ANO4: variants seen among roughly 807,000 people sequenced by gnomAD.
ANO4 encodes the protein anoctamin-4.
Under a neutral mutation model 141.9 loss-of-function variants are expected in ANO4, and 69 were observed. The ratio of observed to expected loss-of-function variants is 0.49; its 90% confidence interval spans 0.40 to 0.59. The LOEUF (loss-of-function observed/expected upper bound fraction) is 0.59, where lower values mean the gene tolerates loss of function less well. Ranked by LOEUF, ANO4 falls within the 20% of genes least tolerant of loss-of-function variation. ANO4 has a pLI of 0.00. For missense variants in ANO4, 894 were observed against 1,162.2 expected (o/e 0.77, Z 3.36); for synonymous variants, 350 against 394.3 (o/e 0.89, Z 1.33).
At chr12:100,918,721 A>G (rs998845719) in intron 2 of ANO4, among the ~76,000 whole-genome samples, 1 of 152,332 alleles carries the variant, frequency 6.6e-6, no homozygotes. Flanking sequence ...TTTACAGTAT[A>G]TAATACTTGA....
chr12:100,746,384 C>T (rs1037020380), intron 3 of ANO4, among the ~76,000 whole-genome samples: 2 of 149,936 alleles, frequency 1.3e-5, no homozygotes, highest in South Asian at 2.1e-4. Flanking sequence ...ACCCGGCAGG[C>T]GGAGGCTGCA....
intron 3 of ANO4, among the ~76,000 whole-genome samples, chr12:100,759,791 T>G (rs551017000): frequency 6.6e-6 from 1 of 152,370 alleles, no homozygotes; most frequent in Admixed American, 6.5e-5. Context: ...TAACCTGTTC[T>G]CTGGGCCTCC....
intron 26 of ANO4, among the ~76,000 whole-genome samples, chr12:101,121,333 G>A (rs1013474744): frequency 2.6e-5 from 4 of 152,066 alleles, no homozygotes; most frequent in African/African-American, 9.7e-5. Flanking sequence ...AACTTGCAGT[G>A]TTTAGTTTTC....
intron 9 of ANO4, among the ~76,000 whole-genome samples, chr12:101,025,408 G>A (rs190798705): frequency 4.6e-5 from 7 of 152,258 alleles, no homozygotes; most frequent in Admixed American, 4.6e-4. Context: ...CAAAGGCAGC[G>A]AGAGTTCACA....
chr12:100,849,721 A>T (rs1407129368), intron 1 of ANO4, among the ~76,000 whole-genome samples: 3 of 152,178 alleles, frequency 2.0e-5, no homozygotes, highest in Non-Finnish European at 4.4e-5. Context: ...CATTTTGCGC[A>T]TGCACATGTA....
intron 3 of ANO4, among the ~76,000 whole-genome samples, chr12:100,748,766 C>T (rs532157073): frequency 9.9e-5 from 15 of 151,774 alleles, no homozygotes; most frequent in African/African-American, 3.6e-4. Context: ...TTTCTCTTGC[C>T]TTTTCTGATT....
chr12:100,939,142 A>G (rs1004193385), intron 3 of ANO4, among the ~76,000 whole-genome samples, 173 bp from the exon 4 acceptor site: 2 of 152,188 alleles, frequency 1.3e-5, no homozygotes, highest in Non-Finnish European at 2.9e-5. Flanking sequence ...TGTTTGGTCA[A>G]ACATGTTTTA....
rs149158660 is a variant in ANO4, at chr12:100,811,861, C to T, written c.-141+16834C>T. ...CAGAGTGATGGATAAGATAGACTCCCCTAAACCATGGTAGTCGATATAAAG... is the reference window on the plus strand; with the variant it reads ...CAGAGTGATGGATAAGATAGACTCCTCTAAACCATGGTAGTCGATATAAAG... On this transcript the variant is annotated intron_variant, in intron 1 of 27. Coordinates refer to ENST00000392977, the MANE Select transcript of ANO4 (RefSeq NM_001286615.2). Among the ~76,000 whole-genome samples, 320 of 152,214 alleles carry T rather than the reference C, an allele frequency of 2.1e-3. 2 individuals are homozygous for T. Among genetic ancestry groups the T allele is most frequent in the Non-Finnish European group, 3.6e-3 (247 of 68,014 alleles).
intron 8 of ANO4, among the ~76,000 whole-genome samples, chr12:101,016,210 A>G (rs986737702): frequency 2.6e-5 from 4 of 152,190 alleles, no homozygotes; most frequent in Non-Finnish European, 5.9e-5. Context: ...GGCCACAGTT[A>G]TATAAACCTG....
At chr12:100,826,558 AG>A (rs2036354494) in intron 1 of ANO4, among the ~76,000 whole-genome samples, 1 of 151,878 alleles carries the variant, frequency 6.6e-6, no homozygotes, top group Non-Finnish European at 1.5e-5. Context: ...GTTGCTTGCT[AG>A]GGCCTGCTGT....
chr12:101,035,026 C>G (rs1295681000), intron 9 of ANO4, among the ~76,000 whole-genome samples: 2 of 152,034 alleles, frequency 1.3e-5, no homozygotes, highest in Non-Finnish European at 2.9e-5. Flanking sequence ...ACTATATGAT[C>G]TAGTGGAATC....
intron 3 of ANO4, among the ~76,000 whole-genome samples, chr12:100,786,353 TG>T (rs147712570): frequency 6.6e-6 from 1 of 152,062 alleles, no homozygotes; most frequent in African/African-American, 2.4e-5. Flanking sequence ...TAGGAAAAGG[TG>T]GGGGGGAATT....
intron 9 of ANO4, among the ~76,000 whole-genome samples, chr12:101,020,645 G>C (rs368369807): frequency 1.3e-5 from 2 of 152,130 alleles, no homozygotes; most frequent in East Asian, 1.9e-4. Context: ...TGGGAAGATC[G>C]AGGGGTAGGG....
intron 1 of ANO4, among the ~76,000 whole-genome samples, chr12:100,854,131 T>C (rs2038036710): frequency 6.6e-6 from 1 of 152,176 alleles, no homozygotes; most frequent in Admixed American, 6.5e-5. Flanking sequence ...CATTCATGAA[T>C]ATAGTGTTGC....
intron 1 of ANO4, among the ~76,000 whole-genome samples, chr12:100,856,256 C>T (rs1427130296): frequency 2.0e-5 from 3 of 152,154 alleles, no homozygotes; most frequent in African/African-American, 7.2e-5. Flanking sequence ...TTGAGAAAAG[C>T]ATGCACTGTA....
At chr12:100,723,232 G>A (rs1373197528) in intron 1 of ANO4, among the ~76,000 whole-genome samples, 1 of 152,062 alleles carries the variant, frequency 6.6e-6, no homozygotes, top group Non-Finnish European at 1.5e-5. Context: ...TTGTAACAGT[G>A]TCATAGTCTG....
intron 1 of ANO4, among the ~76,000 whole-genome samples, chr12:100,733,043 G>A (rs934214909): frequency 2.6e-4 from 39 of 152,048 alleles, no homozygotes; most frequent in South Asian, 8.3e-4. Context: ...ACTATTTCTC[G>A]TCAGAATACT....
At chr12:100,839,156 T>C (rs1371344265) in intron 1 of ANO4, among the ~76,000 whole-genome samples, 1 of 152,210 alleles carries the variant, frequency 6.6e-6, no homozygotes, top group Non-Finnish European at 1.5e-5. Context: ...ATGTGTCTTA[T>C]ACTTCTGCTG....
intron 8 of ANO4, among the ~76,000 whole-genome samples, chr12:100,989,793 GGA>G (rs1566096722): frequency 1.2e-4 from 16 of 138,982 alleles, no homozygotes; most frequent in Non-Finnish European, 2.3e-4. Context: ...ATGGATGGAT[GGA>G]TGGATAGATG....
Sources: allele counts gnomAD v4.1 joint callset (sites outside exome capture counted in the v4.1 genomes callset), GRCh38; gene constraint gnomAD v4.1.1; transcripts MANE v1.5; gene names NCBI Gene and HGNC (gene_info 2026-07-23, HGNC 2026-07-21).